Variants in TMTC2 observed in about 807,000 individuals in gnomAD.
TMTC2 encodes transmembrane O-mannosyltransferase targeting cadherins 2.
A neutral mutation model predicts 82.4 loss-of-function variants in TMTC2; 43 were observed. The observed-to-expected ratio is 0.52, with a 90% CI of 0.41 to 0.67. The LOEUF is 0.67. Among genes scored for constraint, TMTC2 ranks in the 30% least tolerant of loss-of-function variants. TMTC2 has a pLI of 0.00. For synonymous variants in TMTC2, 408 were observed against 381.9 expected (o/e 1.07, Z -0.80); for missense variants, 919 against 1,012.4 (o/e 0.91, Z 1.25).
At chr12:82,901,578 A>G (rs1310886939) in intron 3 of TMTC2, among the ~76,000 whole-genome samples, 1 of 151,996 alleles carries the variant, frequency 6.6e-6, no homozygotes, top group African/African-American at 2.4e-5. Flanking sequence ...CTGGGATTAC[A>G]GGCCTTATCT....
intron 4 of TMTC2, among the ~76,000 whole-genome samples, chr12:82,941,359 C>A (rs1876708828): frequency 6.6e-6 from 1 of 152,092 alleles, no homozygotes; most frequent in African/African-American, 2.4e-5. Context: ...ATATCAGGCA[C>A]ATAGGCTTCA....
intron 11 of TMTC2, among the ~76,000 whole-genome samples, chr12:83,077,921 C>T (rs1883342679): frequency 1.4e-5 from 2 of 143,078 alleles, no homozygotes; most frequent in Admixed American, 1.4e-4. Flanking sequence ...GGGCCTCAGC[C>T]AAAGAACCTA....
intron 4 of TMTC2, among the ~76,000 whole-genome samples, chr12:82,945,796 C>T (rs557065860): frequency 1.6e-4 from 25 of 152,252 alleles, no homozygotes; most frequent in African/African-American, 5.8e-4. Flanking sequence ...GTAATATTGT[C>T]TTTCACTTAA....
At chr12:82,764,630 G>A (rs1386467867) in intron 1 of TMTC2, among the ~76,000 whole-genome samples, 1 of 152,120 alleles carries the variant, frequency 6.6e-6, no homozygotes, top group Non-Finnish European at 1.5e-5. Flanking sequence ...GAAAAATGAT[G>A]AGACAAGTCT....
At chr12:82,937,699 A>G (rs1349503317) in intron 4 of TMTC2, among the ~76,000 whole-genome samples, 2 of 91,468 alleles carry the variant, frequency 2.2e-5, no homozygotes, top group Admixed American at 1.1e-4. Context: ...ACAAATGTCA[A>G]TGGTGTGTGT....
rs1457719480 is a variant in TMTC2, at chr12:82,701,588, C to T, written c.83+13919C>T. On this transcript the variant is annotated intron_variant, in intron 1 of 11. Coordinates refer to ENST00000321196, the MANE Select transcript of TMTC2 (RefSeq NM_152588.3). ...CCAACATGGAGAAACCCCGTCTTTACTAAAAAAAAAAAAAAAAAAAAAAAT... is the reference window on the plus strand; with the variant it reads ...CCAACATGGAGAAACCCCGTCTTTATTAAAAAAAAAAAAAAAAAAAAAAAT... 1.4e-4 allele frequency among the ~76,000 whole-genome samples: 13 copies of T among 93,892 alleles called. No individual in the cohort carries two copies. The Admixed American group carries it at 1.6e-3, about 12-fold the overall frequency. 61.6% of individuals were successfully genotyped at this position (93,892 alleles called of 152,430 possible). A position where few individuals can be genotyped will look rare whatever the true frequency, so the allele number is the denominator to read the frequency against.
chr12:82,917,785 G>A (rs2137221972), intron 3 of TMTC2, among the ~76,000 whole-genome samples: 1 of 152,196 alleles, frequency 6.6e-6, no homozygotes, highest in East Asian at 1.9e-4. Context: ...TGTATTTTTA[G>A]TAGAGACAGG....
chr12:82,844,629 G>A (rs910975462), intron 1 of TMTC2, among the ~76,000 whole-genome samples: 1 of 151,812 alleles, frequency 6.6e-6, no homozygotes. Flanking sequence ...GAGGAACCCC[G>A]TCTCTACTAA....
chr12:82,914,730 AATGTGCT>A, intron 3 of TMTC2, among the ~76,000 whole-genome samples: 1 of 152,136 alleles, frequency 6.6e-6, no homozygotes, highest in Middle Eastern at 3.4e-3. Flanking sequence ...TCTCCATAAT[AATGTGCT>A]TTCCAAGGAG....
intron 1 of TMTC2, among the ~76,000 whole-genome samples, chr12:82,831,981 C>T (rs149142972): frequency 1.8e-4 from 27 of 152,252 alleles, no homozygotes; most frequent in Middle Eastern, 3.4e-3. Context: ...AGCATTATGT[C>T]GCTGACTAAA....
chr12:83,084,223 A>G (rs1006708264), intron 11 of TMTC2, among the ~76,000 whole-genome samples: 3 of 152,242 alleles, frequency 2.0e-5, no homozygotes, highest in African/African-American at 7.2e-5. Flanking sequence ...AATGGAATAC[A>G]TGGATACAAA....
intron 1 of TMTC2, among the ~76,000 whole-genome samples, chr12:82,811,121 G>A (rs1868369159): frequency 1.3e-5 from 2 of 152,070 alleles, no homozygotes; most frequent in South Asian, 4.1e-4. Context: ...AGCTACTTGG[G>A]AGGCTGAGGC....
intron 1 of TMTC2, among the ~76,000 whole-genome samples, chr12:82,730,479 A>T (rs183726450): frequency 6.6e-6 from 1 of 152,266 alleles, no homozygotes; most frequent in Non-Finnish European, 1.5e-5. Flanking sequence ...TCCAAAAAGA[A>T]GTGGAGGTGC....
intron 1 of TMTC2, among the ~76,000 whole-genome samples, chr12:82,732,899 A>G (rs1874900723): frequency 6.6e-6 from 1 of 152,218 alleles, no homozygotes; most frequent in Non-Finnish European, 1.5e-5. Flanking sequence ...ATTGCCTTAA[A>G]AGGACCTTGT....
At position 83,132,131 on chromosome 12, in the gene TMTC2, G is replaced by A. The variant is rs1053574206; in HGVS notation, c.2332-79G>A. 2.0e-6 allele frequency: 3 copies of A among 1,484,824 alleles called. No individual in the cohort carries two copies. The African/African-American group carries it at 4.2e-5, about 21-fold the overall frequency. The allele number at this position is 1,484,824 out of a possible 1,614,324, so 92.0% of individuals were successfully genotyped here. A position where few individuals can be genotyped will look rare whatever the true frequency, so the allele number is the denominator to read the frequency against. On this transcript the variant is annotated intron_variant, in intron 11 of 11. Transcript: ENST00000321196. Reference sequence around the variant, plus strand: ...AGACATAAGGGAATTATTTGCATAAGTGGATGAAGATTTTTGTTTTCCATG... The same window carrying A: ...AGACATAAGGGAATTATTTGCATAAATGGATGAAGATTTTTGTTTTCCATG...
rs1162543404 is a variant in TMTC2, at chr12:82,988,846, A to C, written c.2070+2800A>C. ...TCCCAAACCAGACAGAGCACAGTGA[A>C]TCTATTCCATCTAGAATGCCTGTCT... is the stretch of plus-strand genomic sequence containing the variant. On this transcript the variant is annotated intron_variant, in intron 8 of 11. Transcript: ENST00000321196. Among the ~76,000 whole-genome samples the C allele has an allele frequency of 2.0e-5, 3 of 147,270 alleles. No homozygotes were observed. The East Asian group carries it at 6.0e-4, about 29-fold the overall frequency.
At chr12:82,842,221 A>G (rs537620431) in intron 1 of TMTC2, among the ~76,000 whole-genome samples, 10 of 152,336 alleles carry the variant, frequency 6.6e-5, no homozygotes, top group South Asian at 4.1e-4. Context: ...GCATTATTGA[A>G]GATAAATTGA....
chr12:82,805,012 A>G (rs1236099072), intron 1 of TMTC2, among the ~76,000 whole-genome samples: 1 of 152,174 alleles, frequency 6.6e-6, no homozygotes, highest in African/African-American at 2.4e-5. Flanking sequence ...GAGTACACCA[A>G]ACAAAGGAGA....
intron 2 of TMTC2, 95 bp from the exon 3 acceptor site, chr12:82,895,723 G>T: frequency 1.8e-6 from 2 of 1,129,222 alleles, no homozygotes; most frequent in Non-Finnish European, 2.5e-6. Context: ...GTTTTTAACG[G>T]TCCATTTAAA....
Sources: allele counts gnomAD v4.1 joint callset (sites outside exome capture counted in the v4.1 genomes callset), GRCh38; gene constraint gnomAD v4.1.1; transcripts MANE v1.5; gene names NCBI Gene and HGNC (gene_info 2026-07-23, HGNC 2026-07-21).